Variants in TIAM2 observed in about 807,000 individuals in gnomAD.
TIAM2 encodes rho guanine nucleotide exchange factor TIAM2.
A neutral mutation model predicts 152.9 loss-of-function variants in TIAM2; 80 were observed. The observed-to-expected ratio is 0.52, with a 90% CI of 0.44 to 0.63. TIAM2 has a LOEUF of 0.63. Among genes scored for constraint, TIAM2 ranks in the 30% least tolerant of loss-of-function variants. The pLI, the probability that TIAM2 is intolerant of heterozygous loss-of-function variation, is 0.00. For synonymous variants in TIAM2, 804 were observed against 838.0 expected, an observed-to-expected ratio of 0.96 and a Z score of 0.70; for missense variants, 1,965 against 2,120.1, an observed-to-expected ratio of 0.93 and a Z score of 1.44.
chr6:155,244,880 G>A lies in TIAM2; in HGVS notation c.3543+97G>A, dbSNP rs564825594. On this transcript the variant is annotated intron_variant, in intron 18 of 26. Coordinates refer to ENST00000682666, the MANE Select transcript of TIAM2 (RefSeq NM_012454.4). ...CTCATGAGAAAGAATTTCTTGTCCT[G>A]TGACTATTGACTATTTATTGTCCTG... is the stretch of plus-strand genomic sequence containing the variant. The A allele has an allele frequency of 1.2e-5, 17 of 1,389,868 alleles. No individual in the cohort carries two copies. The South Asian group carries it at 1.9e-4, about 15-fold the overall frequency. The allele number at this position is 1,389,868 out of a possible 1,614,324, so 86.1% of individuals were successfully genotyped here.
intron 1 of TIAM2, among the ~76,000 whole-genome samples, chr6:155,040,395 G>C (rs964648597): frequency 1.3e-5 from 2 of 152,194 alleles, no homozygotes. Context: ...GCAACTTGCC[G>C]AATGTCAGGG....
intron 9 of TIAM2, among the ~76,000 whole-genome samples, chr6:155,170,752 C>T (rs1033274036): frequency 2.6e-5 from 4 of 152,138 alleles, no homozygotes; most frequent in Non-Finnish European, 5.9e-5. Flanking sequence ...CAGGTCCCAT[C>T]GATGCTCTAA....
intron 7 of TIAM2, 85 bp downstream of exon 7, chr6:155,148,419 T>C (rs1779868829): frequency 1.5e-6 from 2 of 1,346,334 alleles, no homozygotes; most frequent in East Asian, 5.0e-5. Flanking sequence ...CTTGGTGGTA[T>C]TTCTTGGCTC....
Position 155,029,419 on chromosome 6 carries a change from A to C in TIAM2, c.-209+33927A>C, listed in dbSNP as rs1249995145. 4.3e-4 allele frequency among the ~76,000 whole-genome samples: 34 copies of C among 79,192 alleles called. 3 individuals are homozygous for C. The highest frequency in any genetic ancestry group is 1.3e-3 in the South Asian group (4 of 3,062). The allele number at this position is 79,192 out of a possible 152,430, so 52.0% of individuals were successfully genotyped here. A position where few individuals can be genotyped will look rare whatever the true frequency, so the allele number is the denominator to read the frequency against. Reference sequence around the variant, plus strand: ...TACTATAGTATATATAATATATACTATATATACTATAGTATATATTATACT... The same window carrying C: ...TACTATAGTATATATAATATATACTCTATATACTATAGTATATATTATACT... On this transcript the variant is annotated intron_variant, in intron 1 of 26. Transcript: ENST00000682666.
chr6:155,005,531 G>A (rs1778385669), intron 1 of TIAM2, among the ~76,000 whole-genome samples: 1 of 151,954 alleles, frequency 6.6e-6, no homozygotes, highest in East Asian at 1.9e-4. Flanking sequence ...CTAGAGACGG[G>A]GTTTCACCAT....
At chr6:155,250,153 C>T (rs1302641441) in intron 21 of TIAM2, among the ~76,000 whole-genome samples, 184 bp downstream of exon 21, 2 of 152,144 alleles carry the variant, frequency 1.3e-5, no homozygotes, top group Admixed American at 1.3e-4. Flanking sequence ...ATTCATTACA[C>T]TGGTTTAAAA....
chr6:155,088,972 G>T (rs2114977152), intron 1 of TIAM2, among the ~76,000 whole-genome samples: 1 of 152,162 alleles, frequency 6.6e-6, no homozygotes, highest in African/African-American at 2.4e-5. Context: ...AGGACACATG[G>T]TTATTGCCAT....
At chr6:155,048,675 G>A (rs1198302812) in intron 1 of TIAM2, among the ~76,000 whole-genome samples, 2 of 152,166 alleles carry the variant, frequency 1.3e-5, no homozygotes, top group Non-Finnish European at 2.9e-5. Flanking sequence ...CATTAGGACT[G>A]TGGGAGAATT....
chr6:155,064,893 T>TCTCTC (rs1445977127), intron 1 of TIAM2, among the ~76,000 whole-genome samples: 1 of 152,098 alleles, frequency 6.6e-6, no homozygotes, highest in Non-Finnish European at 1.5e-5. Flanking sequence ...TCTCCCCTCC[T>TCTCTC]CTCTCCTCTC....
At chr6:155,216,829 G>T in intron 15 of TIAM2, 1 of 1,046,994 alleles carries the variant, frequency 9.6e-7, no homozygotes, top group Non-Finnish European at 1.2e-6. Flanking sequence ...TCTAGAGCAG[G>T]CAGGCTCCCG....
intron 1 of TIAM2, among the ~76,000 whole-genome samples, chr6:155,002,103 G>C (rs1778323170): frequency 6.6e-6 from 1 of 152,176 alleles, no homozygotes; most frequent in East Asian, 1.9e-4. Flanking sequence ...TGAGGATTGA[G>C]AAATTAATGA....
At position 155,104,491 on chromosome 6, in the gene TIAM2, G is replaced by C. The variant is rs187698217; in HGVS notation, c.-118+14112G>C. Among the ~76,000 whole-genome samples the C allele has an allele frequency of 2.9e-3, 445 of 152,166 alleles. 3 individuals are homozygous for C. Among genetic ancestry groups the C allele is most frequent in the Admixed American group, 4.4e-3 (68 of 15,284 alleles). On this transcript the variant is annotated intron_variant, in intron 2 of 26. Coordinates refer to ENST00000682666, the MANE Select transcript of TIAM2 (RefSeq NM_012454.4). ...TTAGAAAGCATGGCCGGCACGGTGG[G>C]TCACACCTGTCATCCCAGCACTTTG...
intron 1 of TIAM2, among the ~76,000 whole-genome samples, chr6:155,053,226 A>G (rs954057372): frequency 4.6e-5 from 7 of 152,240 alleles, no homozygotes; most frequent in Admixed American, 4.6e-4. Flanking sequence ...ATATTTGCAG[A>G]AAGAGCAAAG....
At chr6:154,996,708 G>C (rs768057398) in intron 1 of TIAM2, among the ~76,000 whole-genome samples, 1 of 152,202 alleles carries the variant, frequency 6.6e-6, no homozygotes, top group Non-Finnish European at 1.5e-5. Flanking sequence ...GGCTTAACCA[G>C]TAGAACTTGT....
chr6:155,087,286 G>A (rs1023297769), intron 1 of TIAM2, among the ~76,000 whole-genome samples: 1 of 152,164 alleles, frequency 6.6e-6, no homozygotes, highest in Non-Finnish European at 1.5e-5. Context: ...ATTATCATTG[G>A]AAACATTAAA....
intron 26 of TIAM2, 144 bp downstream of exon 26, chr6:155,254,717 C>A: frequency 2.9e-6 from 3 of 1,030,886 alleles, no homozygotes; most frequent in Non-Finnish European, 4.2e-6. Flanking sequence ...CCTAAACATG[C>A]CTCTTGCTCC....
chr6:155,250,671 A>C, intron 21 of TIAM2: 205 of 1,495,426 alleles, frequency 1.4e-4, no homozygotes, highest in Non-Finnish European at 1.7e-4. Context: ...GGCATGTCTC[A>C]CCTACATGTG....
At chr6:155,058,580 ATTACT>A (rs1370441492) in intron 1 of TIAM2, among the ~76,000 whole-genome samples, 2 of 152,232 alleles carry the variant, frequency 1.3e-5, no homozygotes, top group African/African-American at 4.8e-5. Flanking sequence ...CACTGAGCTA[ATTACT>A]TTATGTAACA....
chr6:155,163,966 G>T (rs13216479), intron 7 of TIAM2, among the ~76,000 whole-genome samples: 85,807 of 145,008 alleles, frequency 0.59, 26,060 homozygotes, highest in Admixed American at 0.72. Context: ...AGTGCATTTT[G>T]TTTTTTTTTT....
Sources: allele counts gnomAD v4.1 joint callset (sites outside exome capture counted in the v4.1 genomes callset), GRCh38; gene constraint gnomAD v4.1.1; transcripts MANE v1.5; gene names NCBI Gene and HGNC (gene_info 2026-07-23, HGNC 2026-07-21).